Variants in MAN1A1 observed in about 807,000 individuals in gnomAD.
The protein encoded by MAN1A1 is mannosyl-oligosaccharide 1,2-alpha-mannosidase IA.
Under a neutral mutation model 70.8 loss-of-function variants are expected in MAN1A1, and 29 were observed. That is an observed-to-expected ratio of 0.41 (90% CI 0.31 to 0.56). The LOEUF (loss-of-function observed/expected upper bound fraction) is 0.56, where lower values mean the gene tolerates loss of function less well. Among genes scored for constraint, MAN1A1 ranks in the 20% least tolerant of loss-of-function variants. The probability of loss-of-function intolerance (pLI) is 0.29; values close to 1 mark genes in which losing one functional copy is unlikely to be tolerated. For missense variants in MAN1A1, 747 were observed against 841.3 expected (o/e 0.89, Z 1.39); for synonymous variants, 349 against 330.1 (o/e 1.06, Z -0.62).
chr6:119,251,969 G>T (rs762592548), intron 5 of MAN1A1, among the ~76,000 whole-genome samples: 5 of 152,026 alleles, frequency 3.3e-5, no homozygotes, highest in Non-Finnish European at 5.9e-5. Context: ...ATGTCCCCTC[G>T]AGAGGTCTTT....
In MAN1A1 at chr6:119,303,707, T is replaced by C. The variant is rs141815982; in HGVS notation, c.701-1604A>G. Reference sequence around the variant, plus strand: ...ACTTCAGAGACTACCTCAAGGCAGTTAGTCAGCAACCCAGCTATTGTTGAT... The same window carrying C: ...ACTTCAGAGACTACCTCAAGGCAGTCAGTCAGCAACCCAGCTATTGTTGAT... On this transcript the variant is annotated intron_variant, in intron 3 of 12. Transcript: ENST00000368468. Among the ~76,000 whole-genome samples, 4 of 152,258 alleles carry C rather than the reference T, an allele frequency of 2.6e-5. No homozygotes were observed. In the East Asian group the frequency reaches 7.7e-4, roughly 29 times the overall value.
chr6:119,320,785 AAAG>A (rs1223488985), intron 2 of MAN1A1, among the ~76,000 whole-genome samples: 2 of 152,228 alleles, frequency 1.3e-5, no homozygotes, highest in Non-Finnish European at 2.9e-5. Flanking sequence ...TATTGTTATC[AAAG>A]AAGGCTATAT....
At chr6:119,182,821 C>T (rs1327870794) in intron 11 of MAN1A1, among the ~76,000 whole-genome samples, 4 of 151,928 alleles carry the variant, frequency 2.6e-5, no homozygotes, top group East Asian at 3.9e-4. Flanking sequence ...TTTTCACTTA[C>T]GTTTCAGTTT....
rs553207770 is a variant in MAN1A1 at position 119,312,482 on chromosome 6, A to C, written c.604-5490T>G. ...AATTTCTCCAAACCTTCACTTATCC[A>C]TTGGAAGAGAATTTCTCCATGGATC... On this transcript the variant is annotated intron_variant, in intron 2 of 12. Coordinates refer to ENST00000368468, the MANE Select transcript of MAN1A1 (RefSeq NM_005907.4). Among the ~76,000 whole-genome samples, 4 of 152,296 alleles carry C rather than the reference A, an allele frequency of 2.6e-5. No individual in the cohort carries two copies. In the East Asian group the frequency reaches 7.8e-4, roughly 30 times the overall value.
At position 119,204,855 on chromosome 6, in the gene MAN1A1, G is replaced by A; in HGVS notation, c.1020C>T (p.Ala340=). The change falls in exon 7 of 13, where the codon GCC becomes GCT. Residue 340 remains alanine (A), a synonymous_variant. Transcript: ENST00000368468. The part of the protein sequence containing the change: ...KSGIGRNWPW[A]SGGSSILAEF... ...CTGCCAGAATACTGCTGCCTCCAGA[G>A]GCCCAGGGCCAGTTCCTTCCAATAC... 6.2e-7 allele frequency: 1 copy of A among 1,613,894 alleles called. No individual in the cohort carries two copies. The highest frequency in any genetic ancestry group is 8.5e-7 in the Non-Finnish European group (1 of 1,179,864).
At chr6:119,218,419 A>G (rs1774266526) in intron 6 of MAN1A1, among the ~76,000 whole-genome samples, 1 of 152,130 alleles carries the variant, frequency 6.6e-6, no homozygotes, top group South Asian at 2.1e-4. Context: ...TAAGCTATAA[A>G]TATTTTTGTT....
At chr6:119,182,428 A>G (rs757523844) in intron 11 of MAN1A1, among the ~76,000 whole-genome samples, 7 of 151,786 alleles carry the variant, frequency 4.6e-5, no homozygotes, top group Non-Finnish European at 8.8e-5. Flanking sequence ...ATCATTGCCA[A>G]GCTCAATGTC....
chr6:119,327,134 C>G (rs1197411170), intron 2 of MAN1A1: 1 of 152,118 alleles, frequency 6.6e-6, no homozygotes, highest in Non-Finnish European at 1.5e-5. Context: ...CCTGGATTAT[C>G]CAGGTGGGCC....
chr6:119,337,848 A>T (rs1773499447), intron 2 of MAN1A1, among the ~76,000 whole-genome samples: 1 of 152,246 alleles, frequency 6.6e-6, no homozygotes, highest in Non-Finnish European at 1.5e-5. Context: ...CAAAATGCTT[A>T]ATATGAGTGA....
At position 119,189,769 on chromosome 6, in the gene MAN1A1, T is replaced by C. The variant is rs1180365784; in HGVS notation, c.1441A>G (p.Met481Val). 1 of 1,614,122 alleles carries C rather than the reference T, an allele frequency of 6.2e-7. No individual in the cohort carries two copies. Residue 481 changes from methionine (M) to valine (V), a missense_variant, in exon 10 of 13, where the codon ATG becomes GTG. By Grantham distance (21) the Met-to-Val change is conservative. Coordinates refer to ENST00000368468, the MANE Select transcript of MAN1A1 (RefSeq NM_005907.4). ...GCTGCATCAGCCCCGAGTGCGAACA[T>C]GCCCCCCGCGAAGCAGGTCAGGTGG... is the stretch of plus-strand genomic sequence containing the variant. The part of the protein sequence containing the change: ...MGHLTCFAGG[M>V]FALGADAAPE...
chr6:119,204,173 A>G (rs1257542682), intron 7 of MAN1A1, among the ~76,000 whole-genome samples: 4 of 152,188 alleles, frequency 2.6e-5, no homozygotes, highest in African/African-American at 9.7e-5. Context: ...TGGCTTTGGC[A>G]CTGTTGTGCT....
At chr6:119,230,226 T>C (rs113576364) in intron 6 of MAN1A1, among the ~76,000 whole-genome samples, 1 of 152,204 alleles carries the variant, frequency 6.6e-6, no homozygotes, top group Non-Finnish European at 1.5e-5. Flanking sequence ...TCTAAAACGA[T>C]CGCTCCTGAT....
chr6:119,313,935 TA>T (rs371581760), intron 2 of MAN1A1, among the ~76,000 whole-genome samples: 43,071 of 133,672 alleles, frequency 0.32, 6,678 homozygotes, highest in Non-Finnish European at 0.39. Flanking sequence ...TAAAGCTATT[TA>T]AAAAAAAAAA....
intron 2 of MAN1A1, among the ~76,000 whole-genome samples, chr6:119,324,919 T>C (rs1029495784): frequency 6.6e-6 from 1 of 152,170 alleles, no homozygotes; most frequent in African/African-American, 2.4e-5. Context: ...GTGGTGTCCC[T>C]GGCCTGTATA....
At chr6:119,240,104 A>G (rs1160344309) in intron 6 of MAN1A1, among the ~76,000 whole-genome samples, 1 of 152,186 alleles carries the variant, frequency 6.6e-6, no homozygotes, top group Non-Finnish European at 1.5e-5. Flanking sequence ...CATATTTAAC[A>G]ATCCAGTCCC....
chr6:119,204,684 C>T, intron 7 of MAN1A1, 75 bp downstream of exon 7: 1 of 1,555,998 alleles, frequency 6.4e-7, no homozygotes. Flanking sequence ...TTCAAAAATT[C>T]CTAAACCTTC....
In MAN1A1 at chr6:119,264,715, T is replaced by C. The variant is rs61534068; in HGVS notation, c.898-16361A>G. On this transcript the variant is annotated intron_variant, in intron 5 of 12. Transcript: ENST00000368468. ...CCTTGTGTGAGTACTTTACACCACA[T>C]TGAGAATCTAATTATTGGTCCATAA... Among the ~76,000 whole-genome samples, 908 of 152,338 alleles carry C rather than the reference T, an allele frequency of 6.0e-3. 31 individuals are homozygous for C. The East Asian group carries it at 0.091, about 15-fold the overall frequency.
chr6:119,350,459 C>G, upstream of MAN1A1: 1 of 897,732 alleles, frequency 1.1e-6, no homozygotes. Flanking sequence ...TTTCTTCCCC[C>G]AAAAAACAAA....
rs374665977 is a variant in MAN1A1 at position 119,244,520 on chromosome 6, T to C, written c.992+3740A>G. 2.4e-3 allele frequency among the ~76,000 whole-genome samples: 360 copies of C among 152,236 alleles called. 2 individuals carry two copies. The highest frequency in any genetic ancestry group is 3.9e-3 in the Admixed American group (59 of 15,276). ...ATTCTTATTGGATTAACAATTTAAA[T>C]AGATGTGGCAGAAAAGACAATTAAA... On this transcript the variant is annotated intron_variant, in intron 6 of 12. Transcript: ENST00000368468.
Sources: gnomAD v4.1 joint callset for allele counts (sites outside exome capture counted in the v4.1 genomes callset) on GRCh38, gnomAD v4.1.1 for gene constraint, MANE v1.5 for transcripts, NCBI Gene and HGNC (gene_info 2026-07-23, HGNC 2026-07-21) for gene names.